GADL1: variants seen among roughly 807,000 people sequenced by gnomAD.
GADL1 encodes acidic amino acid decarboxylase GADL1.
A neutral mutation model predicts 69.5 loss-of-function variants in GADL1; 71 were observed. The observed-to-expected ratio is 1.02, with a 90% CI of 0.84 to 1.25. GADL1 has a LOEUF of 1.25. Ranked by LOEUF, GADL1 falls within the 50% of genes most tolerant of loss-of-function variation. The probability of loss-of-function intolerance (pLI) is 0.00; values close to 1 mark genes in which losing one functional copy is unlikely to be tolerated. For synonymous variants in GADL1, 254 were observed against 214.4 expected, an observed-to-expected ratio of 1.18 and a Z score of -1.62; for missense variants, 737 against 631.8, an observed-to-expected ratio of 1.17 and a Z score of -1.79.
intron 14 of GADL1, among the ~76,000 whole-genome samples, chr3:30,746,805 T>A (rs6550014): frequency 0.47 from 71,554 of 151,992 alleles, 18,261 homozygotes; most frequent in African/African-American, 0.68. Flanking sequence ...TAATTGAAAA[T>A]AGTGAACCAG....
chr3:30,815,817 G>GT (rs1399146846), intron 11 of GADL1, among the ~76,000 whole-genome samples: 1 of 152,168 alleles, frequency 6.6e-6, no homozygotes, highest in East Asian at 1.9e-4. Context: ...GGGAAACAGG[G>GT]TTGATCCATT....
Position 30,850,961 on chromosome 3 carries a change from A to G in GADL1, c.429-20T>C. On this transcript the variant is annotated intron_variant, in intron 4 of 14. Coordinates refer to ENST00000282538, the MANE Select transcript of GADL1 (RefSeq NM_207359.3). ...GTATAACTAGATAGATATAAAAAAC[A>G]CTTCACTTCTATGACTAGAGTCAAA... 7.3e-7 allele frequency: 1 copy of G among 1,362,960 alleles called. No individual in the cohort carries two copies. Among genetic ancestry groups the G allele is most frequent in the Non-Finnish European group, 1.0e-6 (1 of 977,110 alleles). The allele number at this position is 1,362,960 out of a possible 1,614,324, so 84.4% of individuals were successfully genotyped here.
At chr3:30,869,166 A>T (rs1417986707) in intron 1 of GADL1, among the ~76,000 whole-genome samples, 1 of 151,890 alleles carries the variant, frequency 6.6e-6, no homozygotes, top group Non-Finnish European at 1.5e-5. Flanking sequence ...ATTTAAAAAA[A>T]CTGAAGATAT....
At chr3:30,804,860 C>A (rs1333131991) in intron 11 of GADL1, among the ~76,000 whole-genome samples, 9 of 152,290 alleles carry the variant, frequency 5.9e-5, no homozygotes, top group Non-Finnish European at 1.5e-5. Context: ...GCCTCCTAAC[C>A]TCACTATCTT....
chr3:30,768,516 G>A (rs572898061), intron 14 of GADL1, among the ~76,000 whole-genome samples: 17 of 142,728 alleles, frequency 1.2e-4, no homozygotes, highest in African/African-American at 4.3e-4. Flanking sequence ...AGATATTAGA[G>A]GAAATAAGAA....
At chr3:30,878,115 CTG>C in intron 1 of GADL1, among the ~76,000 whole-genome samples, 1 of 152,046 alleles carries the variant, frequency 6.6e-6, no homozygotes, top group Admixed American at 6.6e-5. Context: ...AGCCCTGACT[CTG>C]GCCCCCAAGT....
intron 14 of GADL1, among the ~76,000 whole-genome samples, chr3:30,756,582 T>A (rs1695976317): frequency 6.6e-6 from 1 of 152,204 alleles, no homozygotes; most frequent in African/African-American, 2.4e-5. Context: ...GAAGTAATCG[T>A]GTGCTAAATT....
chr3:30,760,800 T>G (rs925905701), intron 14 of GADL1, among the ~76,000 whole-genome samples: 11 of 152,080 alleles, frequency 7.2e-5, no homozygotes, highest in Admixed American at 1.3e-4. Context: ...CATGTTTTTC[T>G]TCAGGTGGGG....
chr3:30,764,381 T>C (rs1696217951), intron 14 of GADL1, among the ~76,000 whole-genome samples: 1 of 152,188 alleles, frequency 6.6e-6, no homozygotes, highest in Admixed American at 6.5e-5. Flanking sequence ...CATAATTCTC[T>C]TGAGTTATGT....
chr3:30,800,969 T>A lies in GADL1; in HGVS notation c.1170A>T (p.Ala390=), dbSNP rs1468199357. The change falls in exon 12 of 15, where the codon GCA becomes GCT. Residue 390 remains alanine, a synonymous_variant. Coordinates refer to ENST00000282538, the MANE Select transcript of GADL1 (RefSeq NM_207359.3). The stretch of plus-strand genomic sequence containing the variant: ...CCTTCCAGGTCATCCAGAACTTGAA[T>A]GCATCTGGTCTTCTGCTACACTGGA... The part of the protein sequence containing the change: ...KSIQCSRRPD[A]FKFWMTWKAL... 6.2e-7 allele frequency: 1 copy of A among 1,613,884 alleles called. No homozygotes were observed.
intron 12 of GADL1, among the ~76,000 whole-genome samples, chr3:30,797,169 G>C (rs989639813): frequency 6.6e-6 from 1 of 152,132 alleles, no homozygotes; most frequent in Non-Finnish European, 1.5e-5. Context: ...GCGCTGGCTA[G>C]TATGCTGATC....
At chr3:30,757,391 C>CT (rs1227890996) in intron 14 of GADL1, among the ~76,000 whole-genome samples, 1 of 151,974 alleles carries the variant, frequency 6.6e-6, no homozygotes, top group Non-Finnish European at 1.5e-5. Context: ...CATCAGAAGC[C>CT]TATAAAAAGC....
rs147816852 is a variant in GADL1 at position 30,875,686 on chromosome 3, C to T, written c.38-13921G>A. 1.4e-3 allele frequency among the ~76,000 whole-genome samples: 210 copies of T among 151,918 alleles called. 2 individuals are homozygous for T. Among genetic ancestry groups the T allele is most frequent in the African/African-American group, 4.8e-3 (200 of 41,480 alleles). On this transcript the variant is annotated intron_variant, in intron 1 of 14. Coordinates refer to ENST00000282538, the MANE Select transcript of GADL1 (RefSeq NM_207359.3). ...ACATATTAAATAGGATCTGATTTGC[C>T]CTCTCGGGTGGTTTCCTAATCCAGT... is the stretch of plus-strand genomic sequence containing the variant.
At chr3:30,764,245 C>T (rs1263628410) in intron 14 of GADL1, among the ~76,000 whole-genome samples, 1 of 152,034 alleles carries the variant, frequency 6.6e-6, no homozygotes, top group East Asian at 1.9e-4. Flanking sequence ...AGATCCGAGT[C>T]ATTTTCCCTA....
intron 14 of GADL1, among the ~76,000 whole-genome samples, chr3:30,759,611 T>C (rs563962108): frequency 1.4e-5 from 2 of 146,594 alleles, no homozygotes; most frequent in East Asian, 2.0e-4. Context: ...TTATTCCACA[T>C]TTTGTACATT....
intron 11 of GADL1, among the ~76,000 whole-genome samples, chr3:30,813,391 A>C (rs1028478283): frequency 3.4e-5 from 5 of 148,440 alleles, no homozygotes; most frequent in African/African-American, 1.3e-4. Context: ...GACATATAGA[A>C]ATGTTCTCTT....
intron 14 of GADL1, among the ~76,000 whole-genome samples, chr3:30,757,875 C>CA (rs1182394791): frequency 2.6e-5 from 4 of 152,122 alleles, no homozygotes; most frequent in African/African-American, 9.7e-5. Context: ...TCAGCAAAAT[C>CA]AAAAGGAATA....
At chr3:30,833,503 G>GT (rs540472665) in intron 11 of GADL1, among the ~76,000 whole-genome samples, 64 of 152,126 alleles carry the variant, frequency 4.2e-4, no homozygotes, top group African/African-American at 1.4e-3. Flanking sequence ...GTGAGCAGAA[G>GT]TTTCAAGATA....
At chr3:30,834,111 A>T in intron 10 of GADL1, 106 bp downstream of exon 10, 1 of 1,064,550 alleles carries the variant, frequency 9.4e-7, no homozygotes, top group Non-Finnish European at 1.4e-6. Context: ...TTGTTTATTT[A>T]AGGAAAACAA....
Sources: allele counts gnomAD v4.1 joint callset (sites outside exome capture counted in the v4.1 genomes callset), GRCh38; gene constraint gnomAD v4.1.1; transcripts MANE v1.5; gene names NCBI Gene and HGNC (gene_info 2026-07-23, HGNC 2026-07-21).